The following MYO5A variants were observed in gnomAD, a reference collection of about 807,000 sequenced individuals.
The protein encoded by MYO5A is unconventional myosin-Va.
MYO5A carries 98 observed loss-of-function variants against 249.7 expected under a neutral mutation model. That is an observed-to-expected ratio of 0.39 (90% CI 0.33 to 0.46). The LOEUF (loss-of-function observed/expected upper bound fraction) is 0.46, where lower values mean the gene tolerates loss of function less well. Ranked by LOEUF, MYO5A falls within the 20% of genes least tolerant of loss-of-function variation. MYO5A has a pLI of 0.98. For missense variants in MYO5A, 1,696 were observed against 2,308.8 expected, an observed-to-expected ratio of 0.73 and a Z score of 5.44; for synonymous variants, 778 against 810.6, an observed-to-expected ratio of 0.96 and a Z score of 0.68.
At chr15:52,368,376 T>C (rs2040920720) in intron 22 of MYO5A, among the ~76,000 whole-genome samples, 1 of 152,160 alleles carries the variant, frequency 6.6e-6, no homozygotes, top group South Asian at 2.1e-4. Context: ...ACCAATCACC[T>C]ATGGTACTTT....
chr15:52,413,932 GTA>G (rs2043359956), intron 5 of MYO5A, among the ~76,000 whole-genome samples: 1 of 152,142 alleles, frequency 6.6e-6, no homozygotes, highest in Non-Finnish European at 1.5e-5. Context: ...CATACTGTAA[GTA>G]TTATCTTTGA....
At position 52,370,231 on chromosome 15, in the gene MYO5A, T is replaced by C; in HGVS notation, c.3004A>G (p.Thr1002Ala). ...TCAATGCATTTTTTCTCTGAACGAG[T>C]TTGCTCCAGGTCTTTCCGGAGCTTG... The part of the protein sequence containing the change: ...IAKLRKDLEQ[T>A]RSEKKCIEEH... Residue 1002 changes from threonine (T) to alanine (A), a missense_variant, in exon 22 of 42, where the codon ACT (threonine) becomes GCT (alanine). By Grantham distance (58) the Thr-to-Ala change is moderately conservative. Transcript: ENST00000399233. 1 of 1,614,138 alleles carries C rather than the reference T, an allele frequency of 6.2e-7. No individual in the cohort carries two copies. Among genetic ancestry groups the C allele is most frequent in the East Asian group, 2.2e-5 (1 of 44,874 alleles).
chr15:52,340,314 A>G lies in MYO5A; in HGVS notation c.4121T>C (p.Leu1374Pro). The G allele has an allele frequency of 6.2e-7, 1 of 1,613,912 alleles. No homozygotes were observed. The highest frequency in any genetic ancestry group is 8.5e-7 in the Non-Finnish European group (1 of 1,179,980). Residue 1374 changes from leucine to proline, a missense_variant, in exon 32 of 42, where the codon CTG becomes CCG. Transcript: ENST00000399233. ...AEALRGEIQSLKEENNRQQQL... is the reference protein window; with the variant it reads ...AEALRGEIQSPKEENNRQQQL... Reference sequence around the variant, plus strand: ...CTGCTGTCGGTTGTTCTCCTCCTTCAGGCTCTGGATCTCCCCACGGAGGGC... The same window carrying G: ...CTGCTGTCGGTTGTTCTCCTCCTTCGGGCTCTGGATCTCCCCACGGAGGGC...
rs906398718 is a variant in MYO5A at position 52,328,882 on chromosome 15, C to T, written c.4556-876G>A. Among the ~76,000 whole-genome samples, 11 of 152,288 alleles carry T rather than the reference C, an allele frequency of 7.2e-5. No homozygotes were observed. The South Asian group carries it at 2.3e-3, about 32-fold the overall frequency. On this transcript the variant is annotated intron_variant, in intron 35 of 41. Transcript: ENST00000399233. ...GCCTACGTGCTTACTGTTTTTCTGCCTTGAATGTTCTTTCCTCAGATATTA... is the reference window on the plus strand; with the variant it reads ...GCCTACGTGCTTACTGTTTTTCTGCTTTGAATGTTCTTTCCTCAGATATTA...
At chr15:52,322,158 T>C (rs2038358018) in intron 37 of MYO5A, among the ~76,000 whole-genome samples, 1 of 152,256 alleles carries the variant, frequency 6.6e-6, no homozygotes, top group Admixed American at 6.5e-5. Flanking sequence ...AAGTGCTTAC[T>C]CTGAGGATTC....
rs888344438 is a variant in MYO5A, at chr15:52,312,546, CAG to C, written c.*1148_*1149del. The C allele has an allele frequency of 2.0e-5, 3 of 152,152 alleles. No individual in the cohort carries two copies. The highest frequency in any genetic ancestry group is 1.3e-4 in the Admixed American group (2 of 15,266). The allele number at this position is 152,152 out of a possible 1,614,324, so 9.4% of individuals were successfully genotyped here. A position where few individuals can be genotyped will look rare whatever the true frequency, so the allele number is the denominator to read the frequency against. ...CTAATTTTTGTATTTTTAGTAGAGA[CAG>C]GGTTTCGCCATGTTGGCCAGGCTGG... is the stretch of plus-strand genomic sequence containing the variant. On this transcript the variant is annotated 3_prime_UTR_variant, in exon 42 of 42. Transcript: ENST00000399233.
At chr15:52,447,044 G>C (rs1023217413) in intron 1 of MYO5A, among the ~76,000 whole-genome samples, 9 of 152,176 alleles carry the variant, frequency 5.9e-5, no homozygotes, top group South Asian at 4.1e-4. Flanking sequence ...TGTCGGGAAG[G>C]TGTGATTGTA....
At position 52,331,893 on chromosome 15, in the gene MYO5A, T is replaced by C. The variant is rs141725667; in HGVS notation, c.4409-1394A>G. ...TCAGGGCTACGGCCATCTCCCATAA[T>C]CTAGTTTTTCATATGCATGATCCAG... is the stretch of plus-strand genomic sequence containing the variant. On this transcript the variant is annotated intron_variant, in intron 34 of 41. Transcript: ENST00000399233. 2.4e-4 allele frequency: 239 copies of C among 983,234 alleles called. No individual in the cohort carries two copies. The African/African-American group carries it at 3.9e-3, about 16-fold the overall frequency. 60.9% of individuals were successfully genotyped at this position (983,234 alleles called of 1,614,324 possible).
intron 37 of MYO5A, among the ~76,000 whole-genome samples, chr15:52,321,817 T>C (rs1023517190): frequency 2.1e-5 from 2 of 96,812 alleles, no homozygotes; most frequent in East Asian, 7.0e-4. Flanking sequence ...AAAAAAAAAA[T>C]AGAGTGTTTC....
intron 1 of MYO5A, among the ~76,000 whole-genome samples, chr15:52,454,132 T>C (rs945354179): frequency 6.6e-6 from 1 of 152,034 alleles, no homozygotes; most frequent in African/African-American, 2.4e-5. Flanking sequence ...ATTTTACCTA[T>C]AAAGACATAC....
Position 52,313,400 on chromosome 15 carries a change from C to T in MYO5A, c.*296G>A, listed in dbSNP as rs1406275132. 1 of 394,904 alleles carries T rather than the reference C, an allele frequency of 2.5e-6. No individual in the cohort carries two copies. The highest frequency in any genetic ancestry group is 4.8e-6 in the Non-Finnish European group (1 of 209,886). The allele number at this position is 394,904 out of a possible 1,614,324, so 24.5% of individuals were successfully genotyped here. ...TAAAATAAATGCTGCCAGCTGAAGA[C>T]ACATTTTTCTCCTCCTTTCCTTCCT... is the stretch of plus-strand genomic sequence containing the variant. On this transcript the variant is annotated 3_prime_UTR_variant, in exon 42 of 42. Transcript: ENST00000399233.
intron 30 of MYO5A, among the ~76,000 whole-genome samples, chr15:52,344,582 A>T (rs951703901): frequency 2.0e-5 from 3 of 152,184 alleles, no homozygotes; most frequent in Non-Finnish European, 4.4e-5. Flanking sequence ...AGCCCAAGTC[A>T]CCATAATCAC....
intron 2 of MYO5A, among the ~76,000 whole-genome samples, chr15:52,430,558 T>C (rs1030519088): frequency 5.3e-5 from 8 of 152,200 alleles, no homozygotes; most frequent in Non-Finnish European, 1.0e-4. Flanking sequence ...CCTAAGTGAC[T>C]ATAGTTTCTA....
In MYO5A at chr15:52,405,389, A is replaced by G. The variant is rs749662754; in HGVS notation, c.951T>C (p.Ile317=). 5 of 1,599,804 alleles carry G rather than the reference A, an allele frequency of 3.1e-6. No homozygotes were observed. Among genetic ancestry groups the G allele is most frequent in the Non-Finnish European group, 4.3e-6 (5 of 1,167,122 alleles). ...HTRQACTLLG[I]SESHQMGIFR... ...AAATTCCCATTTGATGAGATTCACT[A>G]ATTCCTGAAACAAGAGAGTGAATGA... is the stretch of plus-strand genomic sequence containing the variant. Residue 317 remains isoleucine (I), a synonymous_variant, in exon 9 of 42, where the codon ATT becomes ATC. Transcript: ENST00000399233.
At chr15:52,484,169 C>T (rs1474350715) in intron 1 of MYO5A, among the ~76,000 whole-genome samples, 1 of 152,170 alleles carries the variant, frequency 6.6e-6, no homozygotes, top group Non-Finnish European at 1.5e-5. Flanking sequence ...ACTATAAGAG[C>T]AGAACCAAAA....
At chr15:52,354,889 T>G (rs2040139543) in intron 25 of MYO5A, among the ~76,000 whole-genome samples, 2 of 151,090 alleles carry the variant, frequency 1.3e-5, no homozygotes, top group Non-Finnish European at 2.9e-5. Context: ...TATATCAACA[T>G]GAGCAGATAA....
intron 36 of MYO5A, among the ~76,000 whole-genome samples, chr15:52,326,043 T>C (rs2038587730): frequency 2.6e-5 from 4 of 152,250 alleles, no homozygotes; most frequent in Non-Finnish European, 5.9e-5. Context: ...GTATGGATTC[T>C]CTGCATATCT....
intron 1 of MYO5A, among the ~76,000 whole-genome samples, chr15:52,497,568 G>A (rs1171122039): frequency 6.6e-6 from 1 of 151,076 alleles, no homozygotes; most frequent in African/African-American, 2.4e-5. Context: ...ACCAGCCTGG[G>A]CAACATGATG....
intron 1 of MYO5A, among the ~76,000 whole-genome samples, chr15:52,442,251 C>T (rs2075798355): frequency 6.6e-6 from 1 of 152,078 alleles, no homozygotes; most frequent in Non-Finnish European, 1.5e-5. Context: ...AATGCTGGCG[C>T]CACCACCTCC....
Sources: gnomAD v4.1 joint callset for allele counts (sites outside exome capture counted in the v4.1 genomes callset) on GRCh38, gnomAD v4.1.1 for gene constraint, MANE v1.5 for transcripts, NCBI Gene and HGNC (gene_info 2026-07-23, HGNC 2026-07-21) for gene names.